The following CAMTA1 variants were observed in gnomAD, a reference collection of about 807,000 sequenced individuals.
The protein encoded by CAMTA1 is calmodulin-binding transcription activator 1.
A neutral mutation model predicts 170.9 loss-of-function variants in CAMTA1; 27 were observed. The ratio of observed to expected loss-of-function variants is 0.16; its 90% confidence interval spans 0.12 to 0.22. The LOEUF (loss-of-function observed/expected upper bound fraction) is 0.22. Ranked by LOEUF, CAMTA1 falls within the 10% of genes least tolerant of loss-of-function variation. The probability of loss-of-function intolerance (pLI) is 1.00; values close to 1 mark genes in which losing one functional copy is unlikely to be tolerated. For missense variants in CAMTA1, 1,619 were observed against 2,217.2 expected (o/e 0.73, Z 5.42); for synonymous variants, 833 against 891.5 (o/e 0.93, Z 1.17).
intron 11 of CAMTA1, among the ~76,000 whole-genome samples, chr1:7,705,541 G>C (rs2096509638): frequency 6.6e-6 from 1 of 150,534 alleles, no homozygotes; most frequent in Non-Finnish European, 1.5e-5. Context: ...GGGCGGCGTC[G>C]GGGCGCGCGG....
intron 3 of CAMTA1, among the ~76,000 whole-genome samples, chr1:6,838,723 T>A (rs1220329979): frequency 6.6e-6 from 1 of 152,082 alleles, no homozygotes; most frequent in Non-Finnish European, 1.5e-5. Context: ...ATATATCTGT[T>A]AGGCATTTTT....
At chr1:7,284,126 G>GTTC (rs202166286) in intron 5 of CAMTA1, among the ~76,000 whole-genome samples, 6,936 of 106,656 alleles carry the variant, frequency 0.065, 333 homozygotes, top group East Asian at 0.079. Flanking sequence ...ATTTGCTGCT[G>GTTC]TTCTTCTTCT....
chr1:7,332,825 A>T (rs1216442268), intron 5 of CAMTA1, among the ~76,000 whole-genome samples: 1 of 151,990 alleles, frequency 6.6e-6, no homozygotes, highest in East Asian at 1.9e-4. Context: ...ACACCCGCAG[A>T]TACACACACA....
Position 7,670,899 on chromosome 1 carries a change from T to G in CAMTA1, c.2653-12T>G, listed in dbSNP as rs2096055295. On this transcript the variant is annotated splice_polypyrimidine_tract_variant and intron_variant, in intron 9 of 22. Transcript: ENST00000303635. ...CACACTCCAACTCTGTTCCCCTCTC[T>G]GTTCTCTGCAGGGAGGAGTGAAGGT... 1 of 1,613,302 alleles carries G rather than the reference T, an allele frequency of 6.2e-7. No homozygotes were observed. The highest frequency in any genetic ancestry group is 1.3e-5 in the African/African-American group (1 of 74,946).
In CAMTA1 at chr1:7,009,565, G is replaced by A. The variant is rs1699497756; in HGVS notation, c.235-81739G>A. Among the ~76,000 whole-genome samples, 3 of 152,164 alleles carry A rather than the reference G, an allele frequency of 2.0e-5. No individual in the cohort carries two copies. The South Asian group carries it at 6.2e-4, about 32-fold the overall frequency. On this transcript the variant is annotated intron_variant, in intron 3 of 22. Transcript: ENST00000303635. ...GGTGCCCTGTGTTGCCGTAGCCCTT[G>A]AAGAAGGACCACCGCAGCCTCAGAA... is the stretch of plus-strand genomic sequence containing the variant.
intron 4 of CAMTA1, among the ~76,000 whole-genome samples, chr1:7,228,413 G>A (rs2149180305): frequency 6.6e-6 from 1 of 152,344 alleles, no homozygotes; most frequent in Admixed American, 6.5e-5. Flanking sequence ...GCTCGTGCAT[G>A]TGAGCCCTCG....
Position 7,207,783 on chromosome 1 carries a change from C to T in CAMTA1, c.303-41708C>T, listed in dbSNP as rs140666821. Among the ~76,000 whole-genome samples the T allele has an allele frequency of 3.1e-3, 474 of 152,278 alleles. 1 individual carries two copies. The highest frequency in any genetic ancestry group is 0.011 in the African/African-American group (437 of 41,550). On this transcript the variant is annotated intron_variant, in intron 4 of 22. Coordinates refer to ENST00000303635, the MANE Select transcript of CAMTA1 (RefSeq NM_015215.4). ...GTGGATCCAAGACCTGCCTTTATCTCCCCAGTCTTCGTGAAATAAGAGCTC... is the reference window on the plus strand; with the variant it reads ...GTGGATCCAAGACCTGCCTTTATCTTCCCAGTCTTCGTGAAATAAGAGCTC...
rs952245639 is a variant in CAMTA1, at chr1:7,562,880, C to T, written c.511-77520C>T. Among the ~76,000 whole-genome samples the T allele has an allele frequency of 6.6e-6, 1 of 152,196 alleles. No homozygotes were observed. The highest frequency in any genetic ancestry group is 2.4e-5 in the African/African-American group (1 of 41,466). ...CCTGCAGCCTGTCAACAGCCAGCTCCGGGACTCTCCCAGGGCCCCATGGGC... is the reference window on the plus strand; with the variant it reads ...CCTGCAGCCTGTCAACAGCCAGCTCTGGGACTCTCCCAGGGCCCCATGGGC... On this transcript the variant is annotated intron_variant, in intron 6 of 22. Coordinates refer to ENST00000303635, the MANE Select transcript of CAMTA1 (RefSeq NM_015215.4). The surrounding 1 kb of genome is among the most constrained non-coding windows in gnomAD (Gnocchi z 4.8).
chr1:7,643,326 G>A (rs35210752), intron 7 of CAMTA1, among the ~76,000 whole-genome samples: 14,432 of 152,242 alleles, frequency 0.095, 877 homozygotes, highest in African/African-American at 0.16. Context: ...CCAATCCCCT[G>A]GGCCCCAGCA....
intron 11 of CAMTA1, among the ~76,000 whole-genome samples, chr1:7,721,615 C>G (rs1553264477): frequency 6.6e-6 from 1 of 152,114 alleles, no homozygotes; most frequent in Non-Finnish European, 1.5e-5. Context: ...TATGAGAGAA[C>G]CCTAGAAACG....
chr1:6,926,295 T>TTCCTC (rs202206246), intron 3 of CAMTA1, among the ~76,000 whole-genome samples: 3,013 of 150,528 alleles, frequency 0.02, 117 homozygotes, highest in African/African-American at 0.069. Context: ...CTACCTTCCT[T>TTCCTC]TCCTCTCCTC....
At chr1:6,871,980 T>A in intron 3 of CAMTA1, 1 of 1,220,244 alleles carries the variant, frequency 8.2e-7, no homozygotes, top group Non-Finnish European at 1.0e-6. Context: ...AAATGCTGTC[T>A]TCATTTTCTG....
At chr1:7,062,929 C>A (rs906176089) in intron 3 of CAMTA1, among the ~76,000 whole-genome samples, 1 of 152,210 alleles carries the variant, frequency 6.6e-6, no homozygotes, top group African/African-American at 2.4e-5. Context: ...CTTGCAGAGA[C>A]GTCAATCACA....
At chr1:7,120,587 G>A (rs1170433882) in intron 4 of CAMTA1, among the ~76,000 whole-genome samples, 1 of 152,226 alleles carries the variant, frequency 6.6e-6, no homozygotes, top group African/African-American at 2.4e-5. Context: ...CTGTTGGTGA[G>A]AAGCAAAGCT....
intron 4 of CAMTA1, among the ~76,000 whole-genome samples, chr1:7,103,968 C>T (rs1169740357): frequency 6.6e-6 from 1 of 151,444 alleles, no homozygotes; most frequent in Non-Finnish European, 1.5e-5. Context: ...CAACTACACA[C>T]ACGCACACAC....
intron 6 of CAMTA1, among the ~76,000 whole-genome samples, chr1:7,541,207 G>A (rs944235657): frequency 1.1e-4 from 17 of 152,126 alleles, no homozygotes; most frequent in African/African-American, 2.9e-4. Context: ...ACGTTTTGAC[G>A]CTTTGGGATT....
At chr1:7,157,855 A>C (rs998975820) in intron 4 of CAMTA1, among the ~76,000 whole-genome samples, 1 of 152,140 alleles carries the variant, frequency 6.6e-6, no homozygotes, top group Non-Finnish European at 1.5e-5. Context: ...GCTGCCCTGC[A>C]ATAAAGAGAA....
intron 5 of CAMTA1, among the ~76,000 whole-genome samples, chr1:7,336,731 A>G (rs993755075): frequency 6.6e-6 from 1 of 152,104 alleles, no homozygotes; most frequent in African/African-American, 2.4e-5. Context: ...CCTTGATCGC[A>G]TTTCTCTGTT....
chr1:7,653,991 C>A (rs917385166), intron 7 of CAMTA1, among the ~76,000 whole-genome samples: 4 of 152,112 alleles, frequency 2.6e-5, no homozygotes, highest in Non-Finnish European at 4.4e-5. Flanking sequence ...TGGGCCCCAT[C>A]CTGAGTCTGT....
Sources: allele counts gnomAD v4.1 joint callset (sites outside exome capture counted in the v4.1 genomes callset), GRCh38; gene constraint gnomAD v4.1.1; non-coding constraint Gnocchi (gnomAD v3.1); transcripts MANE v1.5; gene names NCBI Gene and HGNC (gene_info 2026-07-23, HGNC 2026-07-21).